Variants in RGS9 observed in about 807,000 individuals in gnomAD.
RGS9 encodes regulator of G protein signaling 9.
In RGS9, 78 loss-of-function variants were observed where a neutral mutation model predicts 102.0. The observed-to-expected ratio is 0.76, with a 90% CI of 0.64 to 0.92. The LOEUF (loss-of-function observed/expected upper bound fraction) is 0.92, where lower values mean the gene tolerates loss of function less well. Among genes scored for constraint, RGS9 ranks in the 40% least tolerant of loss-of-function variants. The pLI, the probability that RGS9 is intolerant of heterozygous loss-of-function variation, is 0.00. For missense variants in RGS9, 833 were observed against 866.1 expected (o/e 0.96, Z 0.48); for synonymous variants, 353 against 318.6 (o/e 1.11, Z -1.15).
chr17:65,144,828 G>A (rs558591697), intron 1 of RGS9, among the ~76,000 whole-genome samples: 8 of 152,326 alleles, frequency 5.3e-5, no homozygotes, highest in African/African-American at 1.9e-4. Context: ...TTGTAGGGCT[G>A]TCGTCACAAA....
At chr17:65,140,735 C>T (rs1444469778) in intron 1 of RGS9, among the ~76,000 whole-genome samples, 1 of 152,028 alleles carries the variant, frequency 6.6e-6, no homozygotes, top group African/African-American at 2.4e-5. Flanking sequence ...ATTAGCAGGG[C>T]GTGGTGGTGA....
intron 1 of RGS9, among the ~76,000 whole-genome samples, chr17:65,148,163 T>C (rs562356650): frequency 7.7e-4 from 117 of 152,354 alleles, no homozygotes; most frequent in African/African-American, 2.7e-3. Context: ...AGTGGAATCG[T>C]GTGGTATTTG....
At chr17:65,178,330 T>TA (rs921756520) in intron 9 of RGS9, among the ~76,000 whole-genome samples, 32 of 150,828 alleles carry the variant, frequency 2.1e-4, no homozygotes, top group African/African-American at 6.3e-4. Context: ...CAGGTTTCAT[T>TA]AAAAAAAAAT....
At chr17:65,179,585 G>C (rs1434247216) in intron 9 of RGS9, among the ~76,000 whole-genome samples, 6 of 151,758 alleles carry the variant, frequency 4.0e-5, no homozygotes, top group African/African-American at 1.5e-4. Context: ...AGATGGGGGG[G>C]TGGGAACAAA....
chr17:65,184,883 T>A (rs367858133), intron 9 of RGS9, among the ~76,000 whole-genome samples: 1 of 144,630 alleles, frequency 6.9e-6, no homozygotes, highest in African/African-American at 2.6e-5. Context: ...CTCTCTTTCT[T>A]TTTTGAGACA....
At chr17:65,214,102 T>G (rs1474564598) in intron 17 of RGS9, among the ~76,000 whole-genome samples, 1 of 152,116 alleles carries the variant, frequency 6.6e-6, no homozygotes, top group Non-Finnish European at 1.5e-5. Context: ...GCTGGGACTA[T>G]AGGTGTGCGC....
At chr17:65,223,653 G>A (rs542668758) in intron 17 of RGS9, among the ~76,000 whole-genome samples, 8 of 152,298 alleles carry the variant, frequency 5.3e-5, no homozygotes, top group African/African-American at 1.9e-4. Flanking sequence ...GGGCAACTAT[G>A]TGGCTGTGCT....
intron 8 of RGS9, among the ~76,000 whole-genome samples, chr17:65,172,349 G>A (rs536939326): frequency 4.7e-4 from 71 of 152,048 alleles, no homozygotes; most frequent in African/African-American, 1.6e-3. Context: ...AATTACAGGC[G>A]CCTGCCACCA....
chr17:65,160,078 C>T (rs1910917850), intron 3 of RGS9, among the ~76,000 whole-genome samples, 155 bp from the exon 4 acceptor site: 1 of 152,248 alleles, frequency 6.6e-6, no homozygotes, highest in Admixed American at 6.5e-5. Context: ...CGCTTGTCCA[C>T]AGCCAAGTTC....
At chr17:65,208,479 G>C (rs988996507) in intron 16 of RGS9, among the ~76,000 whole-genome samples, 2 of 152,132 alleles carry the variant, frequency 1.3e-5, no homozygotes, top group Non-Finnish European at 2.9e-5. Context: ...TGCCTCCGGG[G>C]ACCATGTTTT....
intron 13 of RGS9, among the ~76,000 whole-genome samples, chr17:65,199,208 T>C (rs1912719796): frequency 6.6e-6 from 1 of 152,252 alleles, no homozygotes; most frequent in South Asian, 2.1e-4. Flanking sequence ...TCAGGGGTTT[T>C]AGTGTATTCA....
intron 14 of RGS9, among the ~76,000 whole-genome samples, chr17:65,203,184 A>G (rs899106015): frequency 6.6e-6 from 1 of 151,978 alleles, no homozygotes; most frequent in African/African-American, 2.4e-5. Flanking sequence ...TTGAGGTCTC[A>G]CTTCTTCTTA....
intron 4 of RGS9, 37 bp downstream of exon 4, chr17:65,160,376 G>A: frequency 1.3e-6 from 2 of 1,570,956 alleles, no homozygotes; most frequent in Non-Finnish European, 1.8e-6. Flanking sequence ...TTCATATGGG[G>A]TTGATCTCAT....
At chr17:65,156,910 A>C (rs575372833) in intron 2 of RGS9, among the ~76,000 whole-genome samples, 98 of 152,312 alleles carry the variant, frequency 6.4e-4, no homozygotes, top group African/African-American at 2.3e-3. Context: ...GAACCATGGA[A>C]AGCCATGACA....
chr17:65,144,942 C>T (rs774694667), intron 1 of RGS9, among the ~76,000 whole-genome samples: 1 of 152,114 alleles, frequency 6.6e-6, no homozygotes. Flanking sequence ...TCTCCTGAAG[C>T]TTCTCTCCTT....
intron 1 of RGS9, among the ~76,000 whole-genome samples, chr17:65,144,061 C>T (rs1209116875): frequency 1.3e-5 from 2 of 152,136 alleles, no homozygotes; most frequent in Admixed American, 6.5e-5. Context: ...GAAAGACTAC[C>T]GAGCACTGGT....
rs1420617583 is a variant in RGS9 at position 65,145,565 on chromosome 17, A to AAT, written c.58-7852_58-7851dup. 1.6e-4 allele frequency among the ~76,000 whole-genome samples: 20 copies of AAT among 124,978 alleles called. No homozygotes were observed. In the East Asian group the frequency reaches 3.9e-3, roughly 24 times the overall value. 82.0% of individuals were successfully genotyped at this position (124,978 alleles called of 152,430 possible). A position where few individuals can be genotyped will look rare whatever the true frequency, so the allele number is the denominator to read the frequency against. ...ACTCCTGGCTATTTTTTTTTTTTTTAATATATTTTTAATAGAGATGAGGTT... is the reference window on the plus strand; with the variant it reads ...ACTCCTGGCTATTTTTTTTTTTTTTAATATATATTTTTAATAGAGATGAGGTT... On this transcript the variant is annotated intron_variant, in intron 1 of 18. Coordinates refer to ENST00000262406, the MANE Select transcript of RGS9 (RefSeq NM_003835.4).
intron 6 of RGS9, among the ~76,000 whole-genome samples, chr17:65,161,789 G>A (rs1394927688): frequency 6.6e-6 from 1 of 151,198 alleles, no homozygotes; most frequent in Non-Finnish European, 1.5e-5. Flanking sequence ...GTGCAGTCTC[G>A]GCTCACTGCA....
intron 9 of RGS9, chr17:65,185,170 T>A (rs1021162561): frequency 3.3e-5 from 5 of 152,212 alleles, no homozygotes; most frequent in Non-Finnish European, 5.9e-5. Flanking sequence ...TGTATGTTAA[T>A]CTAGAGGAAG....
Sources: allele counts gnomAD v4.1 joint callset (sites outside exome capture counted in the v4.1 genomes callset), GRCh38; gene constraint gnomAD v4.1.1; transcripts MANE v1.5; gene names NCBI Gene and HGNC (gene_info 2026-07-23, HGNC 2026-07-21).